The following PLCE1 variants were observed in gnomAD, a reference collection of about 807,000 sequenced individuals.
PLCE1 encodes the protein 1-phosphatidylinositol 4,5-bisphosphate phosphodiesterase epsilon-1.
PLCE1 carries 119 observed loss-of-function variants against 242.8 expected under a neutral mutation model. That is an observed-to-expected ratio of 0.49 (90% CI 0.42 to 0.57). PLCE1 has a LOEUF of 0.57. Ranked by LOEUF, PLCE1 falls within the 20% of genes least tolerant of loss-of-function variation. The probability of loss-of-function intolerance (pLI) is 0.00; values close to 1 mark genes in which losing one functional copy is unlikely to be tolerated. For synonymous variants in PLCE1, 945 were observed against 1,017.4 expected, an observed-to-expected ratio of 0.93 and a Z score of 1.35; for missense variants, 2,441 against 2,788.8, an observed-to-expected ratio of 0.88 and a Z score of 2.81.
chr10:94,253,650 C>A (rs1245970326), intron 9 of PLCE1, among the ~76,000 whole-genome samples: 1 of 151,678 alleles, frequency 6.6e-6, no homozygotes, highest in Non-Finnish European at 1.5e-5. Flanking sequence ...CCACCACACC[C>A]AGCCTACACA....
intron 2 of PLCE1, among the ~76,000 whole-genome samples, chr10:94,053,105 A>G (rs1187242211): frequency 1.3e-5 from 2 of 152,218 alleles, no homozygotes; most frequent in African/African-American, 4.8e-5. Flanking sequence ...TGTGTTATAC[A>G]GGCAGCCTAG....
intron 2 of PLCE1, among the ~76,000 whole-genome samples, chr10:94,126,149 T>G (rs1316366822): frequency 1.3e-5 from 2 of 152,218 alleles, no homozygotes. Flanking sequence ...CATTGCTTGC[T>G]TTTCTCTAAG....
chr10:94,225,637 G>A (rs1564805375), intron 4 of PLCE1, among the ~76,000 whole-genome samples: 1 of 152,132 alleles, frequency 6.6e-6, no homozygotes, highest in Admixed American at 6.5e-5. Flanking sequence ...TCTAAAAAAG[G>A]AAGAAAGAAA....
At chr10:94,080,912 T>C (rs1282340478) in intron 2 of PLCE1, among the ~76,000 whole-genome samples, 1 of 152,176 alleles carries the variant, frequency 6.6e-6, no homozygotes, top group East Asian at 1.9e-4. Context: ...AGAAATAAAA[T>C]GTTACAGAAA....
chr10:94,038,981 A>G (rs2061716586), intron 2 of PLCE1, among the ~76,000 whole-genome samples: 1 of 152,144 alleles, frequency 6.6e-6, no homozygotes, highest in Admixed American at 6.5e-5. Context: ...ATGGACTTTC[A>G]TACTGTTTGG....
intron 4 of PLCE1, among the ~76,000 whole-genome samples, chr10:94,190,476 C>T (rs1262696684): frequency 2.6e-5 from 4 of 152,098 alleles, no homozygotes; most frequent in African/African-American, 7.2e-5. Context: ...CATTGTGGCA[C>T]ACGCCTGTAG....
intron 2 of PLCE1, among the ~76,000 whole-genome samples, chr10:94,080,459 C>T (rs980864968): frequency 2.0e-5 from 3 of 152,198 alleles, no homozygotes; most frequent in African/African-American, 7.2e-5. Flanking sequence ...ATTGGACATG[C>T]TATTAGCCCA....
Position 94,316,659 on chromosome 10 carries a change from G to A in PLCE1, c.6245G>A (p.Arg2082Lys). 6.2e-7 allele frequency: 1 copy of A among 1,613,284 alleles called. No homozygotes were observed. The highest frequency in any genetic ancestry group is 8.5e-7 in the Non-Finnish European group (1 of 1,179,260). The change falls in exon 29 of 33, where the codon AGA becomes AAA. Residue 2082 changes from arginine (R) to lysine (K), a missense_variant. Physicochemically the swap from Arg to Lys is conservative, Grantham distance 26. Transcript: ENST00000371380. ...KNECRKQPFQ[R>K]AIGPEEEIMQ... ...GAATGTAGGAAACAACCATTCCAGAGAGCCATTGGTCCAGAAGAGGAGATC... is the reference window on the plus strand; with the variant it reads ...GAATGTAGGAAACAACCATTCCAGAAAGCCATTGGTCCAGAAGAGGAGATC...
At chr10:94,093,742 G>A (rs1289221262) in intron 2 of PLCE1, among the ~76,000 whole-genome samples, 1 of 152,016 alleles carries the variant, frequency 6.6e-6, no homozygotes, top group Non-Finnish European at 1.5e-5. Flanking sequence ...TACTGCAGGT[G>A]GCCCTAGTTT....
At chr10:94,025,455 G>C (rs2061439690) in intron 1 of PLCE1, among the ~76,000 whole-genome samples, 1 of 152,266 alleles carries the variant, frequency 6.6e-6, no homozygotes. Context: ...ATGCCTGATA[G>C]ATAATACATG....
intron 4 of PLCE1, among the ~76,000 whole-genome samples, chr10:94,178,918 T>A (rs2048211173): frequency 6.6e-6 from 1 of 152,212 alleles, no homozygotes; most frequent in Non-Finnish European, 1.5e-5. Context: ...GTTTTCCCCC[T>A]CTTTTATAAA....
intron 3 of PLCE1, among the ~76,000 whole-genome samples, chr10:94,141,330 T>A (rs1354283395): frequency 6.6e-6 from 1 of 152,212 alleles, no homozygotes; most frequent in Non-Finnish European, 1.5e-5. Flanking sequence ...TACACCCATT[T>A]TGAGCTGGGA....
At chr10:94,139,024 T>A (rs1312497168) in intron 3 of PLCE1, 1 of 153,542 alleles carries the variant, frequency 6.5e-6, no homozygotes, top group African/African-American at 2.4e-5. Context: ...GGCTCATGCA[T>A]GTAATCCCAG....
chr10:94,051,489 T>C (rs1326044619), intron 2 of PLCE1, among the ~76,000 whole-genome samples: 2 of 152,082 alleles, frequency 1.3e-5, no homozygotes, highest in East Asian at 1.9e-4. Flanking sequence ...AAAGAAGTCA[T>C]GCCCATCCAA....
At chr10:94,251,609 T>C (rs1025622102) in intron 8 of PLCE1, among the ~76,000 whole-genome samples, 15 of 152,358 alleles carry the variant, frequency 9.8e-5, no homozygotes, top group African/African-American at 1.4e-4. Flanking sequence ...GTTTAATTAA[T>C]AGATCCCTGC....
intron 3 of PLCE1, among the ~76,000 whole-genome samples, chr10:94,141,602 C>T (rs1428765487): frequency 3.2e-4 from 1 of 3,148 alleles, no homozygotes; most frequent in Admixed American, 4.7e-3. Context: ...TAAGGGAAGG[C>T]AAAGGGAAGG....
intron 2 of PLCE1, among the ~76,000 whole-genome samples, chr10:94,038,940 A>G (rs907935468): frequency 6.6e-6 from 1 of 152,112 alleles, no homozygotes; most frequent in East Asian, 1.9e-4. Context: ...TTCTGTCTCT[A>G]TAGATTTCCC....
At chr10:94,105,685 T>C (rs1472126993) in intron 2 of PLCE1, 1 of 152,220 alleles carries the variant, frequency 6.6e-6, no homozygotes, top group African/African-American at 2.4e-5. Context: ...AAATATGTGT[T>C]GAATGAATGA....
chr10:94,166,381 A>G (rs576364390), intron 3 of PLCE1, among the ~76,000 whole-genome samples: 1 of 152,132 alleles, frequency 6.6e-6, no homozygotes, highest in Non-Finnish European at 1.5e-5. Context: ...CACCCCTCAC[A>G]TGGAATGAGA....
Sources: gnomAD v4.1 joint callset for allele counts (sites outside exome capture counted in the v4.1 genomes callset) on GRCh38, gnomAD v4.1.1 for gene constraint, MANE v1.5 for transcripts, NCBI Gene and HGNC (gene_info 2026-07-23, HGNC 2026-07-21) for gene names.